Variants in DDR2 observed in about 807,000 individuals in gnomAD.
DDR2 encodes discoidin domain receptor tyrosine kinase 2.
A neutral mutation model predicts 94.9 loss-of-function variants in DDR2; 27 were observed. The ratio of observed to expected loss-of-function variants is 0.28; its 90% CI spans 0.21 to 0.39. The LOEUF is 0.39. Ranked by LOEUF, DDR2 falls within the 10% of genes least tolerant of loss-of-function variation. The probability of loss-of-function intolerance (pLI) is 1.00; values close to 1 mark genes in which losing one functional copy is unlikely to be tolerated. For synonymous variants in DDR2, 382 were observed against 377.2 expected, an observed-to-expected ratio of 1.01 and a Z score of -0.15; for missense variants, 783 against 1,076.0, an observed-to-expected ratio of 0.73 and a Z score of 3.81.
rs116852098 is a variant in DDR2, at chr1:162,665,466, C to T, written c.-28+10092C>T. ...CCACTGCATCTTAAGTGGCCCCTGC[C>T]CACCCCACTGTCAAATTTGACCCTT... is the stretch of plus-strand genomic sequence containing the variant. On this transcript the variant is annotated intron_variant, in intron 2 of 17. Coordinates refer to ENST00000367921, the MANE Select transcript of DDR2 (RefSeq NM_006182.4). 3.5e-3 allele frequency among the ~76,000 whole-genome samples: 540 copies of T among 152,188 alleles called. 9 individuals carry two copies. In the East Asian group the frequency reaches 0.042, roughly 12 times the overall value.
chr1:162,755,072 G>C, intron 5 of DDR2, 84 bp from the exon 6 acceptor site: 2 of 1,578,966 alleles, frequency 1.3e-6, no homozygotes, highest in Non-Finnish European at 1.7e-6. Context: ...TAAGAAGAGA[G>C]AGTCCATCAA....
At chr1:162,715,678 C>G (rs987357407) in intron 2 of DDR2, among the ~76,000 whole-genome samples, 6 of 152,216 alleles carry the variant, frequency 3.9e-5, no homozygotes, top group Admixed American at 3.9e-4. Flanking sequence ...GTTTGGTCAC[C>G]TATCAGGTGT....
chr1:162,761,966 G>A (rs751325831), intron 9 of DDR2, among the ~76,000 whole-genome samples: 1 of 152,104 alleles, frequency 6.6e-6, no homozygotes, highest in Non-Finnish European at 1.5e-5. Context: ...CTGCATCTAA[G>A]AAAATAGCAT....
intron 2 of DDR2, among the ~76,000 whole-genome samples, chr1:162,682,882 A>C (rs1482460344): frequency 6.6e-6 from 1 of 152,218 alleles, no homozygotes; most frequent in Non-Finnish European, 1.5e-5. Context: ...CCCTTTGAAT[A>C]TAATGATATA....
intron 2 of DDR2, among the ~76,000 whole-genome samples, chr1:162,664,941 T>C (rs1286667828): frequency 6.6e-6 from 1 of 152,230 alleles, no homozygotes; most frequent in Admixed American, 6.5e-5. Flanking sequence ...ATGTTAGTCT[T>C]GTTCCTGGGG....
intron 1 of DDR2, among the ~76,000 whole-genome samples, chr1:162,653,677 G>T (rs1657814813): frequency 6.6e-6 from 1 of 152,134 alleles, no homozygotes; most frequent in African/African-American, 2.4e-5. Context: ...CAAGAACCAG[G>T]AGAGGCTGGT....
At chr1:162,682,425 A>G (rs1378050521) in intron 2 of DDR2, among the ~76,000 whole-genome samples, 3 of 152,216 alleles carry the variant, frequency 2.0e-5, no homozygotes, top group African/African-American at 7.2e-5. Context: ...GGGCCTGACC[A>G]GTGAACTGGA....
rs1370435677 is a variant in DDR2 at position 162,670,671 on chromosome 1, C to CG, written c.-28+15297_-28+15298insG. On this transcript the variant is annotated intron_variant, in intron 2 of 17. Transcript: ENST00000367921. Reference sequence around the variant, plus strand: ...CATTAATAATTTAGCTAATATAAACCCAATACTTTGGATACGATTGACTGA... The same window carrying CG: ...CATTAATAATTTAGCTAATATAAACCGCAATACTTTGGATACGATTGACTGA... Among the ~76,000 whole-genome samples, 34 of 11,396 alleles carry CG rather than the reference C, an allele frequency of 3.0e-3. No homozygotes were observed. The Non-Finnish European group carries it at 0.13, about 44-fold the overall frequency. 7.5% of individuals were successfully genotyped at this position (11,396 alleles called of 152,430 possible).
intron 3 of DDR2, among the ~76,000 whole-genome samples, chr1:162,732,242 A>G (rs1662089083): frequency 6.6e-6 from 1 of 152,208 alleles, no homozygotes; most frequent in South Asian, 2.1e-4. Context: ...TGAAGAAAGA[A>G]ACCCAAATAA....
At chr1:162,633,621 C>T (rs1656666342) in intron 1 of DDR2, among the ~76,000 whole-genome samples, 1 of 152,194 alleles carries the variant, frequency 6.6e-6, no homozygotes, top group Non-Finnish European at 1.5e-5. Flanking sequence ...AGTGTTCTTT[C>T]CACTCCATAC....
intron 2 of DDR2, among the ~76,000 whole-genome samples, chr1:162,693,429 T>C (rs569014386): frequency 1.3e-5 from 2 of 152,366 alleles, no homozygotes; most frequent in Non-Finnish European, 2.9e-5. Context: ...TGACGTTTTC[T>C]ATCTTTATGA....
chr1:162,741,433 A>T (rs1024977904), intron 3 of DDR2, among the ~76,000 whole-genome samples: 4 of 151,632 alleles, frequency 2.6e-5, no homozygotes, highest in Non-Finnish European at 5.9e-5. Flanking sequence ...TTTGGATTTT[A>T]GATTTTTGGA....
In DDR2 at chr1:162,770,298, C is replaced by T; in HGVS notation, c.1294-4C>T. The T allele has an allele frequency of 6.2e-7, 1 of 1,613,914 alleles. No individual in the cohort carries two copies. Among genetic ancestry groups the T allele is most frequent in the Non-Finnish European group, 8.5e-7 (1 of 1,179,972 alleles). ...ATGCCTTTCTCCTTGCTCTTCTCTT[C>T]CAGGCTTCTCGGAGGATGCTGGATG... On this transcript the variant is annotated splice_polypyrimidine_tract_variant and splice_region_variant and intron_variant, in intron 11 of 17. Coordinates refer to ENST00000367921, the MANE Select transcript of DDR2 (RefSeq NM_006182.4).
At chr1:162,689,842 T>TAAAAAAAAAAA in intron 2 of DDR2, among the ~76,000 whole-genome samples, 1 of 10,926 alleles carries the variant, frequency 9.2e-5, no homozygotes, top group East Asian at 3.2e-3. Flanking sequence ...CATCTCTACT[T>TAAAAAAAAAAA]AAAAAAAAAA....
chr1:162,746,279 G>A (rs537699943), intron 3 of DDR2, among the ~76,000 whole-genome samples: 6 of 152,298 alleles, frequency 3.9e-5, no homozygotes, highest in Admixed American at 6.5e-5. Flanking sequence ...CTAATACTGC[G>A]CTTTTCCAAT....
At chr1:162,748,774 AT>A (rs1176708116) in intron 3 of DDR2, among the ~76,000 whole-genome samples, 2 of 152,228 alleles carry the variant, frequency 1.3e-5, no homozygotes, top group Non-Finnish European at 2.9e-5. Flanking sequence ...TCCTCAGCAA[AT>A]GTAAAAGAAC....
At chr1:162,700,050 A>G (rs1341161895) in intron 2 of DDR2, among the ~76,000 whole-genome samples, 1 of 152,172 alleles carries the variant, frequency 6.6e-6, no homozygotes, top group African/African-American at 2.4e-5. Context: ...CTGCAACTCT[A>G]TTTTCAAACA....
chr1:162,646,525 T>A (rs1657415514), intron 1 of DDR2, among the ~76,000 whole-genome samples: 2 of 152,198 alleles, frequency 1.3e-5, no homozygotes, highest in African/African-American at 4.8e-5. Flanking sequence ...AAAAGGTCAA[T>A]CACATGACAA....
At chr1:162,766,758 G>T (rs1476994870) in intron 10 of DDR2, among the ~76,000 whole-genome samples, 1 of 152,130 alleles carries the variant, frequency 6.6e-6, no homozygotes, top group East Asian at 1.9e-4. Flanking sequence ...AACAGATTGG[G>T]CGTGGTGGCT....
Sources: allele counts gnomAD v4.1 joint callset (sites outside exome capture counted in the v4.1 genomes callset), GRCh38; gene constraint gnomAD v4.1.1; transcripts MANE v1.5; gene names NCBI Gene and HGNC (gene_info 2026-07-23, HGNC 2026-07-21).